Variants in MIPEP observed in about 807,000 individuals in gnomAD.
MIPEP encodes mitochondrial intermediate peptidase.
Under a neutral mutation model 90.3 loss-of-function variants are expected in MIPEP, and 79 were observed. That is an observed-to-expected ratio of 0.87 (90% CI 0.73 to 1.05). The LOEUF is 1.05. MIPEP is among the 50% of genes least tolerant of loss of function. The pLI is 0.00. For missense variants in MIPEP, 940 were observed against 905.6 expected, an observed-to-expected ratio of 1.04 and a Z score of -0.49; for synonymous variants, 334 against 315.8, an observed-to-expected ratio of 1.06 and a Z score of -0.61.
rs1330466009 is a variant in MIPEP at position 23,773,871 on chromosome 13, G to C, written c.1849-13654C>G. Among the ~76,000 whole-genome samples the C allele has an allele frequency of 4.6e-5, 7 of 152,112 alleles. 1 individual carries two copies. The South Asian group carries it at 8.3e-4, about 18-fold the overall frequency. On this transcript the variant is annotated intron_variant, in intron 16 of 18. Coordinates refer to ENST00000382172, the MANE Select transcript of MIPEP (RefSeq NM_005932.4). ...TTCTGTGGGTTATTTCACTTTCATGGTAGTGTTCTTTGGATACAAATTTGA... is the reference window on the plus strand; with the variant it reads ...TTCTGTGGGTTATTTCACTTTCATGCTAGTGTTCTTTGGATACAAATTTGA...
intron 1 of MIPEP, among the ~76,000 whole-genome samples, chr13:23,887,840 T>C (rs997684621): frequency 2.6e-5 from 4 of 152,068 alleles, no homozygotes; most frequent in African/African-American, 9.7e-5. Flanking sequence ...TATTACAAGA[T>C]AAAAAATAAA....
At chr13:23,815,589 G>A (rs1357079717) in intron 14 of MIPEP, among the ~76,000 whole-genome samples, 4 of 152,164 alleles carry the variant, frequency 2.6e-5, no homozygotes, top group African/African-American at 9.7e-5. Flanking sequence ...GATTACAGGC[G>A]TGAGCCACTG....
intron 15 of MIPEP, among the ~76,000 whole-genome samples, chr13:23,808,105 T>G (rs955549083): frequency 1.3e-5 from 2 of 151,044 alleles, no homozygotes; most frequent in Non-Finnish European, 2.9e-5. Context: ...GTTTTTTTTT[T>G]GTTTTTTTTT....
At chr13:23,764,916 T>G (rs1952578929) in intron 16 of MIPEP, among the ~76,000 whole-genome samples, 1 of 152,228 alleles carries the variant, frequency 6.6e-6, no homozygotes, top group South Asian at 2.1e-4. Context: ...TAGAAATGCT[T>G]TAGCTAAAAT....
chr13:23,768,299 C>T (rs1166852958), intron 16 of MIPEP, among the ~76,000 whole-genome samples: 1 of 152,224 alleles, frequency 6.6e-6, no homozygotes, highest in African/African-American at 2.4e-5. Context: ...GTATGTATGA[C>T]ACCTGTAACT....
chr13:23,857,994 A>C (rs139856741), intron 10 of MIPEP, among the ~76,000 whole-genome samples: 24 of 152,310 alleles, frequency 1.6e-4, no homozygotes, highest in East Asian at 1.4e-3. Context: ...GGAAAAAAAA[A>C]CAAAAAACTT....
chr13:23,864,242 A>G, intron 7 of MIPEP, 53 bp from the exon 8 acceptor site: 2 of 1,200,714 alleles, frequency 1.7e-6, no homozygotes, highest in Non-Finnish European at 2.4e-6. Flanking sequence ...TAAAATGAAC[A>G]TATCTGTTAA....
intron 18 of MIPEP, among the ~76,000 whole-genome samples, chr13:23,737,518 C>T (rs888932778): frequency 1.8e-4 from 28 of 152,206 alleles, no homozygotes; most frequent in South Asian, 1.5e-3. Flanking sequence ...TCTACACTTT[C>T]GCCAAGAAAA....
chr13:23,813,137 C>T (rs1566002854), intron 14 of MIPEP, among the ~76,000 whole-genome samples: 1 of 151,826 alleles, frequency 6.6e-6, no homozygotes, highest in Non-Finnish European at 1.5e-5. Flanking sequence ...AACTTAAATA[C>T]CATACAAACT....
At chr13:23,828,286 C>A (rs868857179) in intron 14 of MIPEP, among the ~76,000 whole-genome samples, 1 of 152,196 alleles carries the variant, frequency 6.6e-6, no homozygotes, top group African/African-American at 2.4e-5. Flanking sequence ...GGCAGGAATG[C>A]CCATACCACG....
At chr13:23,774,505 C>T (rs1952690231) in intron 16 of MIPEP, among the ~76,000 whole-genome samples, 1 of 152,144 alleles carries the variant, frequency 6.6e-6, no homozygotes, top group African/African-American at 2.4e-5. Context: ...GGTGTATTGC[C>T]ATCTTTAACA....
At chr13:23,737,470 G>A (rs1466618451) in intron 18 of MIPEP, among the ~76,000 whole-genome samples, 1 of 152,140 alleles carries the variant, frequency 6.6e-6, no homozygotes, top group Non-Finnish European at 1.5e-5. Context: ...TCAAACAGTA[G>A]CCTTCACATA....
chr13:23,803,191 C>T lies in MIPEP; in HGVS notation c.1848+2759G>A, dbSNP rs138884199. Among the ~76,000 whole-genome samples, 1,092 of 152,088 alleles carry T rather than the reference C, an allele frequency of 7.2e-3. 4 individuals carry two copies. Among genetic ancestry groups the T allele is most frequent in the Non-Finnish European group, 0.011 (755 of 67,974 alleles). ...CAGCCTGGCCAACATGGTGAAACCCCGTCTCTACTAAAAAAACAAAAGTTA... is the reference window on the plus strand; with the variant it reads ...CAGCCTGGCCAACATGGTGAAACCCTGTCTCTACTAAAAAAACAAAAGTTA... On this transcript the variant is annotated intron_variant, in intron 16 of 18. Coordinates refer to ENST00000382172, the MANE Select transcript of MIPEP (RefSeq NM_005932.4).
intron 14 of MIPEP, among the ~76,000 whole-genome samples, chr13:23,820,134 C>T (rs1243705035): frequency 6.6e-6 from 1 of 152,156 alleles, no homozygotes; most frequent in East Asian, 1.9e-4. Context: ...GTGTGAGAAA[C>T]TCTTCGAGCA....
At chr13:23,856,639 A>T (rs141947491) in intron 10 of MIPEP, among the ~76,000 whole-genome samples, 2 of 152,152 alleles carry the variant, frequency 1.3e-5, no homozygotes, top group Middle Eastern at 3.2e-3. Flanking sequence ...GCTAATGAGT[A>T]GTGAGGGCAG....
At chr13:23,857,252 C>A (rs961655498) in intron 10 of MIPEP, among the ~76,000 whole-genome samples, 2 of 152,092 alleles carry the variant, frequency 1.3e-5, no homozygotes, top group South Asian at 2.1e-4. Context: ...ATATTCTAAA[C>A]CCTCGTTGTT....
intron 1 of MIPEP, among the ~76,000 whole-genome samples, chr13:23,887,687 C>T (rs1264068454): frequency 6.6e-6 from 1 of 152,168 alleles, no homozygotes; most frequent in Non-Finnish European, 1.5e-5. Flanking sequence ...GGAGCAGATG[C>T]TAGGCTTTGT....
At chr13:23,863,360 T>C (rs748946331) in intron 8 of MIPEP, among the ~76,000 whole-genome samples, 9 of 152,262 alleles carry the variant, frequency 5.9e-5, no homozygotes, top group Non-Finnish European at 8.8e-5. Flanking sequence ...CTCCCTAATC[T>C]GAAAATCTGA....
chr13:23,870,057 G>A lies in MIPEP; in HGVS notation c.742C>T (p.His248Tyr). ...GCGTGGAGACCATCAATTATGATAT[G>A]ATCCCCAGCAGATGTAAAGTTACGA... ...IRRNFTSAGD[H>Y]IIIDGLHAES... Residue 248 changes from histidine to tyrosine, a missense_variant, in exon 6 of 19, where the codon CAT (histidine) becomes TAT (tyrosine). Coordinates refer to ENST00000382172, the MANE Select transcript of MIPEP (RefSeq NM_005932.4). 1 of 1,611,312 alleles carries A rather than the reference G, an allele frequency of 6.2e-7. No homozygotes were observed. The highest frequency in any genetic ancestry group is 8.5e-7 in the Non-Finnish European group (1 of 1,178,614).
Sources: gnomAD v4.1 joint callset for allele counts (sites outside exome capture counted in the v4.1 genomes callset) on GRCh38, gnomAD v4.1.1 for gene constraint, MANE v1.5 for transcripts, NCBI Gene and HGNC (gene_info 2026-07-23, HGNC 2026-07-21) for gene names.